The following AGTPBP1 variants were observed in gnomAD, a reference collection of about 807,000 sequenced individuals.
AGTPBP1 encodes ATP/GTP binding carboxypeptidase 1, also known as cytosolic carboxypeptidase 1.
A neutral mutation model predicts 143.9 loss-of-function variants in AGTPBP1; 70 were observed. The observed-to-expected ratio is 0.49, with a 90% CI of 0.40 to 0.59. The LOEUF (loss-of-function observed/expected upper bound fraction) is 0.59, where lower values mean the gene tolerates loss of function less well. Among genes scored for constraint, AGTPBP1 ranks in the 20% least tolerant of loss-of-function variants. The probability of loss-of-function intolerance (pLI) is 0.00; values close to 1 mark genes in which losing one functional copy is unlikely to be tolerated. For synonymous variants in AGTPBP1, 463 were observed against 500.2 expected, an observed-to-expected ratio of 0.93 and a Z score of 0.99; for missense variants, 1,229 against 1,464.5, an observed-to-expected ratio of 0.84 and a Z score of 2.62.
In AGTPBP1 at chr9:85,546,864, T is replaced by A. The variant is rs1456223379; in HGVS notation, c.*245A>T. On this transcript the variant is annotated 3_prime_UTR_variant, in exon 26 of 26. Coordinates refer to ENST00000357081, the MANE Select transcript of AGTPBP1 (RefSeq NM_001330701.2). ...TGCAATGATACTCAGGTTTTTTTTT[T>A]AAAGGTAAATCCAATATTTGATCAT... The A allele has an allele frequency of 1.0e-5, 3 of 292,788 alleles. No homozygotes were observed. Among genetic ancestry groups the A allele is most frequent in the Admixed American group, 5.1e-5 (1 of 19,500 alleles). The allele number at this position is 292,788 out of a possible 1,614,324, so 18.1% of individuals were successfully genotyped here.
At chr9:85,622,162 C>T (rs1830976811) in intron 14 of AGTPBP1, among the ~76,000 whole-genome samples, 1 of 152,134 alleles carries the variant, frequency 6.6e-6, no homozygotes, top group Non-Finnish European at 1.5e-5. Flanking sequence ...TGATTATATG[C>T]ACTGATTTAA....
the AGTPBP1 span, among the ~76,000 whole-genome samples, chr9:85,796,897 C>T: frequency 6.6e-6 from 1 of 152,136 alleles, no homozygotes. Flanking sequence ...AGCGATTCTC[C>T]TGCCTCAGCC....
chr9:85,705,932 C>T (rs1005616504), intron 2 of AGTPBP1, among the ~76,000 whole-genome samples: 5 of 151,784 alleles, frequency 3.3e-5, no homozygotes, highest in East Asian at 2.0e-4. Flanking sequence ...CCTTGTGATC[C>T]GCCCGCCTCG....
chr9:85,600,133 CATT>C (rs1829571155), intron 17 of AGTPBP1, among the ~76,000 whole-genome samples: 1 of 152,208 alleles, frequency 6.6e-6, no homozygotes, highest in Admixed American at 6.5e-5. Context: ...TTACTATTAT[CATT>C]ATTTCCTTTT....
rs2133295782 is a variant in AGTPBP1, at chr9:85,598,534, T to C, written c.2336-2085A>G. 1.3e-5 allele frequency among the ~76,000 whole-genome samples: 2 copies of C among 152,282 alleles called. 1 individual carries two copies. Among genetic ancestry groups the C allele is most frequent in the Middle Eastern group, 6.8e-3 (2 of 294 alleles). ...GAGTACTTTAAATTCTCATAAATGT[T>C]TTCTAATCAAGTTGTATTTCCTGGA... On this transcript the variant is annotated intron_variant, in intron 17 of 25. Transcript: ENST00000357081.
chr9:85,704,527 G>C (rs553455689), intron 2 of AGTPBP1, among the ~76,000 whole-genome samples: 1 of 152,330 alleles, frequency 6.6e-6, no homozygotes, highest in African/African-American at 2.4e-5. Context: ...AACCTCAGTA[G>C]TAAGGAATAA....
At position 85,636,148 on chromosome 9, in the gene AGTPBP1, T is replaced by G. The variant is rs1441759693; in HGVS notation, c.1303-2774A>C. The stretch of plus-strand genomic sequence containing the variant: ...AAAGAACCAAAAGAAACATTAGATA[T>G]TGAAAAAGACCTACCAGAATCTCAG... On this transcript the variant is annotated intron_variant, in intron 13 of 25. Coordinates refer to ENST00000357081, the MANE Select transcript of AGTPBP1 (RefSeq NM_001330701.2). Among the ~76,000 whole-genome samples the G allele has an allele frequency of 2.6e-5, 4 of 151,734 alleles. No individual in the cohort carries two copies. The East Asian group carries it at 7.7e-4, about 29-fold the overall frequency.
At chr9:85,551,968 C>T (rs1375098524) in intron 25 of AGTPBP1, among the ~76,000 whole-genome samples, 1 of 152,148 alleles carries the variant, frequency 6.6e-6, no homozygotes, top group African/African-American at 2.4e-5. Context: ...CCTTGCTTCC[C>T]CCATTTTCTT....
chr9:85,656,604 TA>T (rs548157842), intron 10 of AGTPBP1, among the ~76,000 whole-genome samples: 7 of 148,894 alleles, frequency 4.7e-5, no homozygotes, highest in Admixed American at 1.3e-4. Context: ...ATAGCTTTCT[TA>T]AAAAAAAAAG....
At chr9:85,597,817 G>C (rs1465415271) in intron 17 of AGTPBP1, among the ~76,000 whole-genome samples, 1 of 151,994 alleles carries the variant, frequency 6.6e-6, no homozygotes, top group Non-Finnish European at 1.5e-5. Context: ...TCCTATCGTT[G>C]AACTATCTTT....
chr9:85,643,402 A>G (rs924971428), intron 12 of AGTPBP1, among the ~76,000 whole-genome samples: 3 of 152,144 alleles, frequency 2.0e-5, no homozygotes, highest in African/African-American at 7.2e-5. Context: ...AGGTACGGAG[A>G]AGTTAAGCCA....
the AGTPBP1 span, among the ~76,000 whole-genome samples, chr9:85,791,798 G>C: frequency 6.7e-6 from 1 of 150,330 alleles, no homozygotes; most frequent in African/African-American, 2.5e-5. Flanking sequence ...TTTTATACTG[G>C]TTCCTTTTCC....
chr9:85,771,554 A>G, the AGTPBP1 span, among the ~76,000 whole-genome samples: 4 of 152,258 alleles, frequency 2.6e-5, no homozygotes, highest in African/African-American at 7.2e-5. Context: ...GATAATCATC[A>G]TCAGTAGTAA....
intron 17 of AGTPBP1, among the ~76,000 whole-genome samples, chr9:85,614,621 A>G (rs148719008): frequency 6.6e-6 from 1 of 152,232 alleles, no homozygotes; most frequent in Non-Finnish European, 1.5e-5. Context: ...AGAATAAACT[A>G]TTCAGAAAAA....
intron 23 of AGTPBP1, among the ~76,000 whole-genome samples, chr9:85,584,978 A>T (rs2133158193): frequency 6.6e-6 from 1 of 152,352 alleles, no homozygotes; most frequent in South Asian, 2.1e-4. Flanking sequence ...CCACAAATGG[A>T]TCCTAAAATT....
rs746192406 is a variant in AGTPBP1, at chr9:85,672,694, A to C, written c.437-13T>G. 6.4e-7 allele frequency: 1 copy of C among 1,570,182 alleles called. No homozygotes were observed. Among genetic ancestry groups the C allele is most frequent in the Non-Finnish European group, 8.6e-7 (1 of 1,162,990 alleles). ...CCAAATTTTTTATCTGTTTAAAAAA[A>C]AAAAAGACAATTTATGCACATACAA... On this transcript the variant is annotated splice_polypyrimidine_tract_variant and intron_variant, in intron 6 of 25. Transcript: ENST00000357081.
intron 2 of AGTPBP1, among the ~76,000 whole-genome samples, chr9:85,706,717 A>C (rs540048894): frequency 6.6e-6 from 1 of 151,706 alleles, no homozygotes; most frequent in South Asian, 2.1e-4. Context: ...AAAAATACAA[A>C]AAAAAAGAAT....
chr9:85,696,473 G>T (rs879862630), intron 2 of AGTPBP1, among the ~76,000 whole-genome samples: 44 of 152,058 alleles, frequency 2.9e-4, no homozygotes, highest in Non-Finnish European at 6.0e-4. Flanking sequence ...CTCGAGACCA[G>T]CCTGGTCAAC....
At chr9:85,683,147 TAATGCTTAAAAG>T (rs1835292423) in intron 3 of AGTPBP1, among the ~76,000 whole-genome samples, 1 of 152,210 alleles carries the variant, frequency 6.6e-6, no homozygotes, top group Admixed American at 6.5e-5. Context: ...GCCACATTGT[TAATGCTTAAAAG>T]AATATAAAAT....
Sources: gnomAD v4.1 joint callset for allele counts (sites outside exome capture counted in the v4.1 genomes callset) on GRCh38, gnomAD v4.1.1 for gene constraint, MANE v1.5 for transcripts, NCBI Gene and HGNC (gene_info 2026-07-23, HGNC 2026-07-21) for gene names.